Variants in CNTNAP2 observed in about 807,000 individuals in gnomAD.
The protein encoded by CNTNAP2 is contactin associated protein 2.
CNTNAP2 carries 98 observed loss-of-function variants against 155.2 expected under a neutral mutation model. The ratio of observed to expected loss-of-function variants is 0.63; its 90% CI spans 0.54 to 0.75. CNTNAP2 has a LOEUF of 0.75. CNTNAP2 is among the 30% of genes least tolerant of loss of function. CNTNAP2 has a pLI of 0.00. For missense variants in CNTNAP2, 1,727 were observed against 1,688.1 expected, an observed-to-expected ratio of 1.02 and a Z score of -0.40; for synonymous variants, 651 against 631.2, an observed-to-expected ratio of 1.03 and a Z score of -0.47.
intron 12 of CNTNAP2, among the ~76,000 whole-genome samples, chr7:147,573,878 C>A (rs1800342128): frequency 6.6e-6 from 1 of 152,064 alleles, no homozygotes; most frequent in Non-Finnish European, 1.5e-5. Context: ...ATAGCACATC[C>A]CCTGGTAGCT....
intron 10 of CNTNAP2, among the ~76,000 whole-genome samples, chr7:147,451,857 C>T (rs1797839972): frequency 6.6e-6 from 1 of 151,836 alleles, no homozygotes; most frequent in Non-Finnish European, 1.5e-5. Flanking sequence ...GTCATTAGAG[C>T]TCCACCCCGC....
chr7:146,788,019 A>T (rs1802606000), intron 2 of CNTNAP2, among the ~76,000 whole-genome samples: 1 of 152,138 alleles, frequency 6.6e-6, no homozygotes, highest in Non-Finnish European at 1.5e-5. Flanking sequence ...TAGACGGAAA[A>T]GTTCTCCAGG....
At chr7:148,037,073 G>A (rs923551687) in intron 15 of CNTNAP2, among the ~76,000 whole-genome samples, 3 of 152,242 alleles carry the variant, frequency 2.0e-5, no homozygotes, top group Admixed American at 2.0e-4. Context: ...TTTTAAATGG[G>A]GGCTTTACTT....
At chr7:148,381,957 G>A (rs1049028654) in intron 21 of CNTNAP2, among the ~76,000 whole-genome samples, 1 of 152,230 alleles carries the variant, frequency 6.6e-6, no homozygotes, top group African/African-American at 2.4e-5. Context: ...GGTTTTGGAA[G>A]TACTGGTTCT....
intron 13 of CNTNAP2, among the ~76,000 whole-genome samples, chr7:147,770,011 A>G (rs1188360645): frequency 6.6e-6 from 1 of 152,200 alleles, no homozygotes; most frequent in African/African-American, 2.4e-5. Context: ...AACAAAGAGG[A>G]CATCTTTAAA....
intron 3 of CNTNAP2, among the ~76,000 whole-genome samples, chr7:146,872,388 C>T (rs771975147): frequency 9.2e-5 from 14 of 152,092 alleles, no homozygotes; most frequent in Non-Finnish European, 1.0e-4. Flanking sequence ...TGTACTTTAA[C>T]GTAAACCAAT....
intron 1 of CNTNAP2, among the ~76,000 whole-genome samples, chr7:146,594,433 TACAC>T (rs4016062): frequency 6.4e-4 from 95 of 149,458 alleles, no homozygotes; most frequent in Admixed American, 1.6e-3. Context: ...TACTAGTGTT[TACAC>T]ACACACACAC....
chr7:146,378,814 C>T (rs551530870), intron 1 of CNTNAP2, among the ~76,000 whole-genome samples: 8 of 152,124 alleles, frequency 5.3e-5, no homozygotes, highest in Non-Finnish European at 7.4e-5. Context: ...CTTGTTTTCC[C>T]TAAAATGACG....
intron 11 of CNTNAP2, among the ~76,000 whole-genome samples, chr7:147,558,283 G>C: frequency 6.6e-6 from 1 of 152,114 alleles, no homozygotes; most frequent in East Asian, 1.9e-4. Context: ...CCAGTGAAGT[G>C]AGGTGGCATT....
At chr7:146,917,957 G>T (rs1796427717) in intron 3 of CNTNAP2, among the ~76,000 whole-genome samples, 1 of 152,080 alleles carries the variant, frequency 6.6e-6, no homozygotes. Context: ...TTTTTTAACT[G>T]CTGTTGCTTT....
intron 22 of CNTNAP2, among the ~76,000 whole-genome samples, chr7:148,405,763 A>C (rs74955919): frequency 1.3e-5 from 2 of 150,594 alleles, no homozygotes; most frequent in African/African-American, 2.4e-5. Flanking sequence ...CTACAGGCGC[A>C]CGCCATCATG....
At chr7:147,941,558 T>C (rs1800721934) in intron 14 of CNTNAP2, among the ~76,000 whole-genome samples, 1 of 152,238 alleles carries the variant, frequency 6.6e-6, no homozygotes, top group Non-Finnish European at 1.5e-5. Flanking sequence ...TGTGTCTTTA[T>C]AAACAAATCA....
chr7:147,045,296 C>T (rs1002435179), intron 4 of CNTNAP2, among the ~76,000 whole-genome samples: 1 of 152,098 alleles, frequency 6.6e-6, no homozygotes, highest in African/African-American at 2.4e-5. Context: ...GTTGGACAAG[C>T]TTTCTAAAAT....
chr7:146,240,731 G>A (rs188913096), intron 1 of CNTNAP2, among the ~76,000 whole-genome samples: 1 of 152,264 alleles, frequency 6.6e-6, no homozygotes, highest in East Asian at 1.9e-4. Context: ...TGGTTCATCT[G>A]TAAAATTTAG....
intron 1 of CNTNAP2, among the ~76,000 whole-genome samples, chr7:146,297,085 G>A (rs994166576): frequency 2.6e-5 from 4 of 151,880 alleles, no homozygotes; most frequent in Non-Finnish European, 2.9e-5. Context: ...AAGTAAAAGT[G>A]TTTTAATTCT....
chr7:148,229,558 A>C, intron 19 of CNTNAP2, 88 bp from the exon 20 acceptor site: 1 of 1,479,478 alleles, frequency 6.8e-7, no homozygotes, highest in Non-Finnish European at 9.4e-7. Context: ...GAAGAAAGAA[A>C]GAATCTAAGA....
chr7:146,993,638 A>G (rs755855228), intron 3 of CNTNAP2, among the ~76,000 whole-genome samples: 22 of 152,110 alleles, frequency 1.4e-4, no homozygotes, highest in African/African-American at 4.8e-5. Context: ...TGCCCCGCTC[A>G]AGCCTTGTTA....
intron 15 of CNTNAP2, among the ~76,000 whole-genome samples, chr7:148,033,156 C>T (rs1024480628): frequency 6.6e-6 from 1 of 152,106 alleles, no homozygotes; most frequent in Non-Finnish European, 1.5e-5. Flanking sequence ...TCTGTATCTG[C>T]TTGCCTGCCA....
chr7:148,064,044 A>G (rs1803208062), intron 15 of CNTNAP2, among the ~76,000 whole-genome samples: 1 of 151,972 alleles, frequency 6.6e-6, no homozygotes, highest in Non-Finnish European at 1.5e-5. Context: ...GGCTGTAAGT[A>G]TTTGACTTTT....
Sources: allele counts gnomAD v4.1 joint callset (sites outside exome capture counted in the v4.1 genomes callset), GRCh38; gene constraint gnomAD v4.1.1; transcripts MANE v1.5; gene names NCBI Gene and HGNC (gene_info 2026-07-23, HGNC 2026-07-21).